The following MOB1B variants were observed in gnomAD, a reference collection of about 807,000 sequenced individuals.
MOB1B encodes MOB kinase activator 1B.
In MOB1B, 19 loss-of-function variants were observed where a neutral mutation model predicts 24.4. That is an observed-to-expected ratio of 0.78 (90% CI 0.54 to 1.14). The LOEUF is 1.14. Among genes scored for constraint, MOB1B ranks in the 50% most tolerant of loss-of-function variants. MOB1B has a pLI of 0.00. For missense variants in MOB1B, 243 were observed against 259.6 expected (o/e 0.94, Z 0.44); for synonymous variants, 76 against 82.1 (o/e 0.93, Z 0.40).
At chr4:70,908,008 A>G (rs1455443842) in intron 1 of MOB1B, among the ~76,000 whole-genome samples, 1 of 151,266 alleles carries the variant, frequency 6.6e-6, no homozygotes, top group Non-Finnish European at 1.5e-5. Flanking sequence ...TGACTAAACC[A>G]TGTCTATTTC....
chr4:70,943,835 A>T (rs1011508723), intron 1 of MOB1B, among the ~76,000 whole-genome samples: 2 of 152,200 alleles, frequency 1.3e-5, no homozygotes, highest in East Asian at 3.8e-4. Flanking sequence ...GTGGGTAGAG[A>T]TCTAGATTTT....
intron 1 of MOB1B, among the ~76,000 whole-genome samples, chr4:70,958,062 A>G (rs1738142341): frequency 2.0e-5 from 3 of 152,118 alleles, no homozygotes; most frequent in African/African-American, 7.2e-5. Flanking sequence ...CAAACCAGCC[A>G]CACGAATGTC....
chr4:70,967,295 G>C (rs115283703), intron 2 of MOB1B, among the ~76,000 whole-genome samples: 148 of 152,214 alleles, frequency 9.7e-4, no homozygotes, highest in African/African-American at 3.3e-3. Context: ...TGCCATGTCC[G>C]GCTAATTTTT....
intron 1 of MOB1B, among the ~76,000 whole-genome samples, chr4:70,936,543 T>C (rs895730978): frequency 1.3e-5 from 2 of 152,056 alleles, no homozygotes; most frequent in Non-Finnish European, 2.9e-5. Flanking sequence ...GTTGGAGTTT[T>C]TTGACCTGCT....
chr4:70,914,377 C>G (rs931217180), intron 1 of MOB1B, among the ~76,000 whole-genome samples: 1 of 152,044 alleles, frequency 6.6e-6, no homozygotes, highest in African/African-American at 2.4e-5. Context: ...CTCATTTGAA[C>G]ACTTCCTTAC....
chr4:70,939,987 G>A (rs998093387), intron 1 of MOB1B, among the ~76,000 whole-genome samples: 9 of 152,206 alleles, frequency 5.9e-5, no homozygotes, highest in Non-Finnish European at 1.2e-4. Context: ...GACTGCCCTA[G>A]CCCGTCTCTG....
intron 1 of MOB1B, among the ~76,000 whole-genome samples, chr4:70,929,930 T>A (rs1350495359): frequency 6.7e-6 from 1 of 149,134 alleles, no homozygotes; most frequent in African/African-American, 2.4e-5. Context: ...ATTTTTAAAA[T>A]TTTTTGTAGA....
chr4:70,975,079 T>TAGATAC, intron 3 of MOB1B, 74 bp from the exon 4 acceptor site: 2 of 1,107,038 alleles, frequency 1.8e-6, no homozygotes, highest in Non-Finnish European at 2.4e-6. Context: ...ATTAGTAATA[T>TAGATAC]AGATACATAA....
chr4:70,956,531 A>G (rs1444714600), intron 1 of MOB1B, among the ~76,000 whole-genome samples: 1 of 152,106 alleles, frequency 6.6e-6, no homozygotes, highest in Non-Finnish European at 1.5e-5. Context: ...CCTGGGCTCA[A>G]GTGATCTTCC....
chr4:70,921,436 A>G (rs1339987521), intron 1 of MOB1B, among the ~76,000 whole-genome samples: 1 of 149,592 alleles, frequency 6.7e-6, no homozygotes, highest in Non-Finnish European at 1.5e-5. Context: ...AGAATTGCCA[A>G]ACTGCTGATG....
Position 70,982,621 on chromosome 4 carries a change from G to A in MOB1B, c.*564G>A, listed in dbSNP as rs1035715847. On this transcript the variant is annotated 3_prime_UTR_variant, in exon 6 of 6. Coordinates refer to ENST00000309395, the MANE Select transcript of MOB1B (RefSeq NM_173468.4). The stretch of plus-strand genomic sequence containing the variant: ...TTACTGCTTTGAAGAAACAGAATTT[G>A]TAAAGGTATGCATGTAGAACATAAA... 1.3e-5 allele frequency: 2 copies of A among 152,500 alleles called. No homozygotes were observed. The highest frequency in any genetic ancestry group is 4.8e-5 in the African/African-American group (2 of 41,404). 9.4% of individuals were successfully genotyped at this position (152,500 alleles called of 1,614,324 possible). A position where few individuals can be genotyped will look rare whatever the true frequency, so the allele number is the denominator to read the frequency against.
At chr4:70,943,297 G>T (rs942199546) in intron 1 of MOB1B, among the ~76,000 whole-genome samples, 32 of 152,110 alleles carry the variant, frequency 2.1e-4, no homozygotes, top group African/African-American at 7.2e-4. Context: ...TCTGCTTTTT[G>T]CACTTGGTGC....
At chr4:70,956,384 TC>T (rs1224228948) in intron 1 of MOB1B, among the ~76,000 whole-genome samples, 2 of 152,142 alleles carry the variant, frequency 1.3e-5, no homozygotes, top group Non-Finnish European at 2.9e-5. Context: ...CACCTCGGCC[TC>T]CCAAAGTGCT....
chr4:70,948,806 T>C (rs1737685144), intron 1 of MOB1B, among the ~76,000 whole-genome samples: 2 of 151,190 alleles, frequency 1.3e-5, no homozygotes, highest in African/African-American at 4.9e-5. Flanking sequence ...TGCTGCCTAA[T>C]GTATAGAGGT....
chr4:70,914,511 G>T (rs1351175268), intron 1 of MOB1B, among the ~76,000 whole-genome samples: 1 of 152,208 alleles, frequency 6.6e-6, no homozygotes, highest in African/African-American at 2.4e-5. Flanking sequence ...CAAAATCTAG[G>T]TGTAGGTATG....
intron 1 of MOB1B, among the ~76,000 whole-genome samples, chr4:70,954,067 AAAAG>A (rs1170510892): frequency 3.9e-5 from 6 of 152,172 alleles, no homozygotes; most frequent in East Asian, 1.9e-4. Flanking sequence ...CCCCCCCAAA[AAAAG>A]AAACCCAGAA....
chr4:70,925,693 T>C (rs1426347519), intron 1 of MOB1B, among the ~76,000 whole-genome samples: 2 of 152,122 alleles, frequency 1.3e-5, no homozygotes, highest in Non-Finnish European at 2.9e-5. Flanking sequence ...CCTAGGTGAT[T>C]TGAAAGCACC....
intron 1 of MOB1B, among the ~76,000 whole-genome samples, chr4:70,927,305 A>G (rs1039452335): frequency 3.3e-5 from 5 of 152,108 alleles, no homozygotes; most frequent in Non-Finnish European, 5.9e-5. Context: ...TTGGGAGGCT[A>G]AGGTGGGCAG....
At chr4:70,930,369 C>CT (rs1736841919) in intron 1 of MOB1B, among the ~76,000 whole-genome samples, 1 of 152,062 alleles carries the variant, frequency 6.6e-6, no homozygotes, top group South Asian at 2.1e-4. Flanking sequence ...TCTTTTATTG[C>CT]TTTTCTCATG....
Sources: gnomAD v4.1 joint callset for allele counts (sites outside exome capture counted in the v4.1 genomes callset) on GRCh38, gnomAD v4.1.1 for gene constraint, MANE v1.5 for transcripts, NCBI Gene and HGNC (gene_info 2026-07-23, HGNC 2026-07-21) for gene names.